NKAIN2: variants seen among roughly 807,000 people sequenced by gnomAD.
NKAIN2 encodes the protein sodium/potassium transporting ATPase interacting 2.
NKAIN2 carries 14 observed loss-of-function variants against 32.6 expected under a neutral mutation model. The ratio of observed to expected loss-of-function variants is 0.43; its 90% CI spans 0.28 to 0.67. The LOEUF (loss-of-function observed/expected upper bound fraction) is 0.67, where lower values mean the gene tolerates loss of function less well. Among genes scored for constraint, NKAIN2 ranks in the 30% least tolerant of loss-of-function variants. The pLI, the probability that NKAIN2 is intolerant of heterozygous loss-of-function variation, is 0.17. For synonymous variants in NKAIN2, 80 were observed against 87.2 expected (o/e 0.92, Z 0.46); for missense variants, 198 against 258.3 (o/e 0.77, Z 1.60).
At chr6:123,933,378 C>T (rs1362602236) in intron 1 of NKAIN2, among the ~76,000 whole-genome samples, 2 of 152,150 alleles carry the variant, frequency 1.3e-5, no homozygotes, top group Non-Finnish European at 2.9e-5. Context: ...AGTAATGTTA[C>T]ACAGTATATA....
At position 124,109,802 on chromosome 6, in the gene NKAIN2, A is replaced by G. The variant is rs139707256; in HGVS notation, c.55-173203A>G. On this transcript the variant is annotated intron_variant, in intron 1 of 6. Coordinates refer to ENST00000368417, the MANE Select transcript of NKAIN2 (RefSeq NM_001040214.3). ...TTACTTCTCATTTTCGAGGGTTTTTATCATAAGAAGGTGTTGAATTTTGCC... is the reference window on the plus strand; with the variant it reads ...TTACTTCTCATTTTCGAGGGTTTTTGTCATAAGAAGGTGTTGAATTTTGCC... Among the ~76,000 whole-genome samples the G allele has an allele frequency of 1.3e-4, 19 of 151,994 alleles. 1 individual carries two copies. In the East Asian group the frequency reaches 3.3e-3, roughly 26 times the overall value.
chr6:123,874,707 G>T (rs931927415), intron 1 of NKAIN2, among the ~76,000 whole-genome samples: 3 of 151,938 alleles, frequency 2.0e-5, no homozygotes, highest in African/African-American at 7.2e-5. Flanking sequence ...CATAAAAATT[G>T]AATTGGCCTA....
chr6:124,809,573 G>T (rs1433780664), intron 5 of NKAIN2, among the ~76,000 whole-genome samples: 1 of 150,530 alleles, frequency 6.6e-6, no homozygotes, highest in Non-Finnish European at 1.5e-5. Flanking sequence ...ATAGGCATGG[G>T]CAAGGACTTC....
intron 1 of NKAIN2, among the ~76,000 whole-genome samples, chr6:123,917,870 G>A (rs1775570643): frequency 6.6e-6 from 1 of 152,142 alleles, no homozygotes; most frequent in African/African-American, 2.4e-5. Context: ...AAAGTAAACT[G>A]CAGTGGTTTG....
intron 4 of NKAIN2, among the ~76,000 whole-genome samples, chr6:124,723,178 T>C (rs2114637143): frequency 6.6e-6 from 1 of 152,346 alleles, no homozygotes; most frequent in Non-Finnish European, 1.5e-5. Flanking sequence ...ATAATAATTG[T>C]CACTTTGCAT....
chr6:124,711,056 T>C (rs1486157795), intron 4 of NKAIN2, among the ~76,000 whole-genome samples: 4 of 147,320 alleles, frequency 2.7e-5, no homozygotes, highest in Admixed American at 2.7e-4. Context: ...CATTTGCTTG[T>C]CTGTAAAGTA....
At chr6:124,028,250 T>G (rs1781209093) in intron 1 of NKAIN2, among the ~76,000 whole-genome samples, 3 of 152,076 alleles carry the variant, frequency 2.0e-5, no homozygotes. Flanking sequence ...TTATTTTTCA[T>G]GCAGTGGGTT....
At chr6:124,202,321 G>T (rs570855635) in intron 1 of NKAIN2, among the ~76,000 whole-genome samples, 12 of 151,990 alleles carry the variant, frequency 7.9e-5, no homozygotes, top group South Asian at 4.1e-4. Flanking sequence ...ACCAATTTAG[G>T]TGCTCCTCAG....
intron 5 of NKAIN2, among the ~76,000 whole-genome samples, chr6:124,812,139 T>G (rs1012248620): frequency 5.9e-5 from 9 of 152,186 alleles, no homozygotes; most frequent in South Asian, 2.1e-4. Context: ...TTTCCACTCC[T>G]CTTGGCCAAA....
intron 5 of NKAIN2, among the ~76,000 whole-genome samples, chr6:124,806,284 G>A (rs758076816): frequency 7.9e-5 from 12 of 152,224 alleles, no homozygotes; most frequent in Admixed American, 1.3e-4. Context: ...GACTAACAGC[G>A]GATCTCTTGG....
intron 1 of NKAIN2, among the ~76,000 whole-genome samples, chr6:123,859,440 T>C (rs1178811520): frequency 6.6e-6 from 1 of 152,074 alleles, no homozygotes; most frequent in East Asian, 1.9e-4. Flanking sequence ...TTTCTTCTGT[T>C]ATAGACACAC....
intron 4 of NKAIN2, among the ~76,000 whole-genome samples, chr6:124,764,734 GCTT>G (rs1488865335): frequency 3.3e-5 from 5 of 152,082 alleles, no homozygotes; most frequent in Non-Finnish European, 5.9e-5. Flanking sequence ...TTCCTAGATG[GCTT>G]CTTATCACTT....
chr6:124,412,738 C>T (rs897937412), intron 3 of NKAIN2, among the ~76,000 whole-genome samples: 2 of 152,202 alleles, frequency 1.3e-5, no homozygotes, highest in African/African-American at 4.8e-5. Context: ...GAGGTTACTG[C>T]TGTCTTTTGT....
At chr6:123,940,830 C>T (rs1582815231) in intron 1 of NKAIN2, among the ~76,000 whole-genome samples, 1 of 151,918 alleles carries the variant, frequency 6.6e-6, no homozygotes, top group East Asian at 1.9e-4. Flanking sequence ...ACTTAGGCTG[C>T]ACTAAATTTA....
chr6:124,138,229 A>G (rs1271438798), intron 1 of NKAIN2, among the ~76,000 whole-genome samples: 1 of 152,188 alleles, frequency 6.6e-6, no homozygotes, highest in East Asian at 1.9e-4. Context: ...ACAAACATGA[A>G]AAAATGTTGA....
At chr6:124,402,202 GCTGTTAAGAAAC>G in intron 3 of NKAIN2, among the ~76,000 whole-genome samples, 1 of 152,070 alleles carries the variant, frequency 6.6e-6, no homozygotes, top group East Asian at 1.9e-4. Context: ...CAGTAGCACT[GCTGTTAAGAAAC>G]CTGGACCTAA....
At chr6:124,380,974 T>A (rs1393444333) in intron 3 of NKAIN2, among the ~76,000 whole-genome samples, 1 of 152,186 alleles carries the variant, frequency 6.6e-6, no homozygotes, top group Non-Finnish European at 1.5e-5. Context: ...AAGAAGACTA[T>A]CTACTATTAT....
At chr6:124,207,647 A>G (rs1370493928) in intron 1 of NKAIN2, among the ~76,000 whole-genome samples, 1 of 151,854 alleles carries the variant, frequency 6.6e-6, no homozygotes, top group Non-Finnish European at 1.5e-5. Context: ...GGAAAGAATG[A>G]GTAAATGAAC....
intron 3 of NKAIN2, among the ~76,000 whole-genome samples, chr6:124,362,288 A>G (rs1799322379): frequency 6.6e-6 from 1 of 152,132 alleles, no homozygotes; most frequent in African/African-American, 2.4e-5. Context: ...TTGCCTTATG[A>G]TGCAGGGAAA....
Sources: allele counts gnomAD v4.1 joint callset (sites outside exome capture counted in the v4.1 genomes callset), GRCh38; gene constraint gnomAD v4.1.1; transcripts MANE v1.5; gene names NCBI Gene and HGNC (gene_info 2026-07-23, HGNC 2026-07-21).